The following PRSS23 variants were observed in gnomAD, a reference collection of about 807,000 sequenced individuals.
PRSS23 encodes the protein serine protease 23, also known as protease, serine 23.
In PRSS23, 25 loss-of-function variants were observed where a neutral mutation model predicts 34.7. The ratio of observed to expected loss-of-function variants is 0.72; its 90% CI spans 0.53 to 1.01. The LOEUF (loss-of-function observed/expected upper bound fraction) is 1.01, where lower values mean the gene tolerates loss of function less well. PRSS23 is among the 50% of genes least tolerant of loss of function. The pLI, the probability that PRSS23 is intolerant of heterozygous loss-of-function variation, is 0.00. For missense variants in PRSS23, 445 were observed against 475.6 expected, an observed-to-expected ratio of 0.94 and a Z score of 0.60; for synonymous variants, 176 against 186.6, an observed-to-expected ratio of 0.94 and a Z score of 0.46.
At chr11:86,917,251 G>A (rs577793753) in intron 2 of PRSS23, among the ~76,000 whole-genome samples, 19 of 152,312 alleles carry the variant, frequency 1.2e-4, no homozygotes, top group South Asian at 1.0e-3. Context: ...CCCGGGAGAC[G>A]GAGGGTGCAG....
rs570784681 is a variant in PRSS23, at chr11:86,843,199, G to A, written c.206+19606G>A. 5.3e-5 allele frequency among the ~76,000 whole-genome samples: 8 copies of A among 152,260 alleles called. No individual in the cohort carries two copies. In the South Asian group the frequency reaches 1.7e-3, roughly 32 times the overall value. ...GATTCCCTATTTAACAAATGGTGCT[G>A]GGAAAACTGGTTAGCCATATGTAGA... On this transcript the variant is annotated intron_variant, in intron 2 of 2. Transcript: ENST00000533902.
intron 2 of PRSS23, among the ~76,000 whole-genome samples, chr11:86,844,284 G>A (rs762643028): frequency 1.7e-4 from 26 of 152,132 alleles, no homozygotes; most frequent in Non-Finnish European, 3.7e-4. Flanking sequence ...CTGGGAGAGG[G>A]ATAGCATTAG....
intron 2 of PRSS23, among the ~76,000 whole-genome samples, chr11:86,929,653 A>G (rs1949110500): frequency 6.6e-6 from 1 of 152,256 alleles, no homozygotes; most frequent in Non-Finnish European, 1.5e-5. Flanking sequence ...TTTAAAATAC[A>G]AACTCATATA....
At chr11:86,818,362 C>T (rs1009662240) in intron 1 of PRSS23, among the ~76,000 whole-genome samples, 1 of 152,102 alleles carries the variant, frequency 6.6e-6, no homozygotes, top group Admixed American at 6.5e-5. Flanking sequence ...TCTCGAGTGC[C>T]TGGGGTGGGA....
At chr11:86,876,685 C>G (rs562072164) in intron 2 of PRSS23, among the ~76,000 whole-genome samples, 1 of 151,648 alleles carries the variant, frequency 6.6e-6, no homozygotes, top group South Asian at 2.1e-4. Context: ...TTCCTATGCT[C>G]ATTAATGTTG....
chr11:86,793,964 C>T (rs774989502), intron 1 of PRSS23, among the ~76,000 whole-genome samples: 14 of 152,078 alleles, frequency 9.2e-5, no homozygotes, highest in African/African-American at 2.9e-4. Context: ...AATCTAGCAC[C>T]GAAGGGTTTG....
chr11:86,804,031 G>C (rs1424017180), intron 1 of PRSS23, among the ~76,000 whole-genome samples: 2 of 152,046 alleles, frequency 1.3e-5, no homozygotes, highest in Non-Finnish European at 2.9e-5. Flanking sequence ...CTGGACTTAC[G>C]TGATTCTGGA....
intron 1 of PRSS23, among the ~76,000 whole-genome samples, chr11:86,794,078 C>T (rs72967500): frequency 0.085 from 12,859 of 152,042 alleles, 784 homozygotes; most frequent in Non-Finnish European, 0.12. Context: ...AATATCCAGA[C>T]CCCACACTGA....
chr11:86,918,081 C>T (rs1338589709), intron 2 of PRSS23, among the ~76,000 whole-genome samples: 1 of 152,236 alleles, frequency 6.6e-6, no homozygotes, highest in Non-Finnish European at 1.5e-5. Context: ...ATAGCTCTCA[C>T]ATACCTTTGA....
intron 2 of PRSS23, among the ~76,000 whole-genome samples, chr11:86,873,203 C>CACACACATATATATGTATATATATAT (rs1948697157): frequency 7.4e-6 from 1 of 134,848 alleles, no homozygotes; most frequent in Non-Finnish European, 1.5e-5. Context: ...TATATACACA[C>CACACACATATATATGTATATATATAT]ACACACACAC....
intron 2 of PRSS23, among the ~76,000 whole-genome samples, chr11:86,860,471 A>AG (rs954078339): frequency 1.1e-4 from 17 of 150,718 alleles, no homozygotes; most frequent in African/African-American, 3.4e-4. Context: ...CCTAATATCA[A>AG]GGGGGGAGAA....
intron 2 of PRSS23, among the ~76,000 whole-genome samples, chr11:86,828,299 A>G (rs1472025315): frequency 6.6e-6 from 1 of 152,084 alleles, no homozygotes; most frequent in Non-Finnish European, 1.5e-5. Context: ...CTGTTTTATC[A>G]GAGACTAGGA....
Position 86,890,749 on chromosome 11 carries a change from G to T in PRSS23, c.207-60467G>T, listed in dbSNP as rs150848241. On this transcript the variant is annotated intron_variant, in intron 2 of 2. Coordinates refer to the PRSS23 transcript ENST00000533902. ...ATGCTATATAAACTGCATGCTGTTT[G>T]CAAGTGGTTGCAGTTTCCTGCTTAG... 3.3e-5 allele frequency among the ~76,000 whole-genome samples: 5 copies of T among 152,128 alleles called. No individual in the cohort carries two copies. In the East Asian group the frequency reaches 9.6e-4, roughly 29 times the overall value.
exon 3 of PRSS23, chr11:86,952,595 T>C: frequency 1.0e-6 from 1 of 1,000,630 alleles, no homozygotes. Context: ...AACCAACCTA[T>C]CGGGAGTCTG....
Position 86,839,394 on chromosome 11 carries a change from G to T in PRSS23, c.206+15801G>T, listed in dbSNP as rs576984888. 1.2e-3 allele frequency among the ~76,000 whole-genome samples: 187 copies of T among 152,100 alleles called. 1 individual carries two copies. Among genetic ancestry groups the T allele is most frequent in the African/African-American group, 4.3e-3 (178 of 41,506 alleles). On this transcript the variant is annotated intron_variant, in intron 2 of 2. Transcript: ENST00000533902. ...TCAAATTAATGAAATAAAGTGAGAA[G>T]AATAGAGAAAAAAGAGGGAAAAAAC...
chr11:86,890,626 G>A (rs1221603285), intron 2 of PRSS23, among the ~76,000 whole-genome samples: 2 of 152,176 alleles, frequency 1.3e-5, no homozygotes, highest in Non-Finnish European at 2.9e-5. Flanking sequence ...CTGAACCATG[G>A]AAGTGAAACA....
At chr11:86,894,362 C>T (rs1948861177) in intron 2 of PRSS23, among the ~76,000 whole-genome samples, 1 of 152,192 alleles carries the variant, frequency 6.6e-6, no homozygotes, top group African/African-American at 2.4e-5. Context: ...TAGCAGTTCT[C>T]TACAACTTAC....
chr11:86,857,077 A>C (rs1020269691), intron 2 of PRSS23: 2 of 204,224 alleles, frequency 9.8e-6, no homozygotes, highest in African/African-American at 4.7e-5. Flanking sequence ...ATGAGATTTG[A>C]CTGTTCTGCT....
In PRSS23 at chr11:86,808,883, C is replaced by CGTGTGT. The variant is rs35433370; in HGVS notation, c.*109_*114dup. On this transcript the variant is annotated 3_prime_UTR_variant, in exon 2 of 2. Coordinates refer to ENST00000280258, the MANE Select transcript of PRSS23 (RefSeq NM_007173.6). ...TTGTTTTTTGTCATTGGCGTGCACA[C>CGTGTGT]GTGTGTGTGTGTGTGTGTGTGTGTG... 42,502 of 886,780 alleles carry CGTGTGT rather than the reference C, an allele frequency of 0.048. 482 individuals are homozygous for CGTGTGT. Among genetic ancestry groups the CGTGTGT allele is most frequent in the Non-Finnish European group, 0.054 (30,722 of 568,828 alleles). The allele number at this position is 886,780 out of a possible 1,614,324, so 54.9% of individuals were successfully genotyped here. A position where few individuals can be genotyped will look rare whatever the true frequency, so the allele number is the denominator to read the frequency against.
Sources: allele counts gnomAD v4.1 joint callset (sites outside exome capture counted in the v4.1 genomes callset), GRCh38; gene constraint gnomAD v4.1.1; transcripts MANE v1.5; gene names NCBI Gene and HGNC (gene_info 2026-07-23, HGNC 2026-07-21).